The following EPB41L4B variants were observed in gnomAD, a reference collection of about 807,000 sequenced individuals.
EPB41L4B encodes band 4.1-like protein 4B.
EPB41L4B carries 30 observed loss-of-function variants against 112.5 expected under a neutral mutation model. The observed-to-expected ratio is 0.27, with a 90% CI of 0.20 to 0.36. The LOEUF is 0.36. EPB41L4B is among the 10% of genes least tolerant of loss of function. EPB41L4B has a pLI of 1.00. For synonymous variants in EPB41L4B, 408 were observed against 439.7 expected, an observed-to-expected ratio of 0.93 and a Z score of 0.90; for missense variants, 1,024 against 1,133.3, an observed-to-expected ratio of 0.90 and a Z score of 1.38.
At chr9:109,241,159 T>TA in intron 15 of EPB41L4B, 1 of 985,808 alleles carries the variant, frequency 1.0e-6, no homozygotes, top group Non-Finnish European at 1.2e-6. Context: ...TGCAGAATTT[T>TA]AGAGTTGGAA....
chr9:109,236,842 T>G (rs1425171896), intron 15 of EPB41L4B, among the ~76,000 whole-genome samples: 2 of 152,214 alleles, frequency 1.3e-5, no homozygotes, highest in East Asian at 3.8e-4. Flanking sequence ...GCTTCGCCTC[T>G]GCATCTGTCC....
chr9:109,200,668 A>G (rs1832793497), intron 19 of EPB41L4B, among the ~76,000 whole-genome samples: 1 of 152,216 alleles, frequency 6.6e-6, no homozygotes, highest in Admixed American at 6.5e-5. Flanking sequence ...GGTTTGGCTC[A>G]TAACCAGGTT....
At chr9:109,222,150 A>G (rs1054412366) in intron 15 of EPB41L4B, among the ~76,000 whole-genome samples, 7 of 152,222 alleles carry the variant, frequency 4.6e-5, no homozygotes, top group Non-Finnish European at 7.3e-5. Context: ...GCATTTCATA[A>G]CACGTCAAAT....
intron 1 of EPB41L4B, among the ~76,000 whole-genome samples, chr9:109,293,244 C>A (rs1437527331): frequency 1.3e-5 from 2 of 152,078 alleles, no homozygotes; most frequent in Non-Finnish European, 2.9e-5. Context: ...GTATTGTATG[C>A]GTACATAAAA....
intron 1 of EPB41L4B, among the ~76,000 whole-genome samples, chr9:109,297,609 C>G (rs1836784741): frequency 6.6e-6 from 1 of 152,242 alleles, no homozygotes; most frequent in African/African-American, 2.4e-5. Flanking sequence ...TGCCCAGGAC[C>G]TCTGACTCTA....
At chr9:109,231,977 G>A (rs2118911056) in intron 15 of EPB41L4B, among the ~76,000 whole-genome samples, 1 of 151,672 alleles carries the variant, frequency 6.6e-6, no homozygotes, top group East Asian at 1.9e-4. Context: ...CTTCTAATAA[G>A]CTAGACTTTC....
chr9:109,261,610 A>T (rs891337371), intron 6 of EPB41L4B, among the ~76,000 whole-genome samples: 6 of 152,144 alleles, frequency 3.9e-5, no homozygotes, highest in African/African-American at 1.4e-4. Flanking sequence ...ACATACTAAA[A>T]ATACCAAGTA....
chr9:109,276,541 C>T (rs1459152255), intron 2 of EPB41L4B, among the ~76,000 whole-genome samples: 1 of 152,176 alleles, frequency 6.6e-6, no homozygotes, highest in South Asian at 2.1e-4. Flanking sequence ...AGATGAGGAC[C>T]CTCGCCCTCC....
rs1831727155 is a variant in EPB41L4B at position 109,174,229 on chromosome 9, G to T, written c.*325C>A. ...CAAATGGTTGAAATTGATAGTAAAA[G>T]ATCCTACATCATATTAACCCCTGTG... On this transcript the variant is annotated 3_prime_UTR_variant, in exon 26 of 26. Coordinates refer to ENST00000374566, the MANE Select transcript of EPB41L4B (RefSeq NM_019114.5). The T allele has an allele frequency of 5.0e-6, 1 of 200,036 alleles. No individual in the cohort carries two copies. The highest frequency in any genetic ancestry group is 1.0e-5 in the Non-Finnish European group (1 of 98,054). 12.4% of individuals were successfully genotyped at this position (200,036 alleles called of 1,614,324 possible).
rs375667520 is a variant in EPB41L4B at position 109,182,468 on chromosome 9, G to A, written c.2487+261C>T. On this transcript the variant is annotated intron_variant, in intron 24 of 25. Coordinates refer to ENST00000374566, the MANE Select transcript of EPB41L4B (RefSeq NM_019114.5). ...GGTTTTTGGAGGACGCAATAAAAAT[G>A]TATTGGAACTGATAGAAGTGGTCAC... Among the ~76,000 whole-genome samples the A allele has an allele frequency of 9.2e-5, 14 of 152,324 alleles. No homozygotes were observed. The East Asian group carries it at 2.1e-3, about 23-fold the overall frequency.
chr9:109,212,484 T>C (rs1186948603), intron 17 of EPB41L4B, among the ~76,000 whole-genome samples: 1 of 152,066 alleles, frequency 6.6e-6, no homozygotes, highest in Non-Finnish European at 1.5e-5. Flanking sequence ...AAAAAGTGAA[T>C]GAGCAGGGCT....
chr9:109,306,187 A>G (rs2119241316), intron 1 of EPB41L4B, among the ~76,000 whole-genome samples: 1 of 152,352 alleles, frequency 6.6e-6, no homozygotes, highest in East Asian at 1.9e-4. Flanking sequence ...TAAATGCTAT[A>G]AGGATTAAAT....
intron 17 of EPB41L4B, among the ~76,000 whole-genome samples, chr9:109,208,813 C>T (rs919427590): frequency 6.6e-6 from 1 of 152,150 alleles, no homozygotes; most frequent in Non-Finnish European, 1.5e-5. Context: ...ATGGTATACA[C>T]ACTACATTTT....
chr9:109,267,605 C>T, intron 3 of EPB41L4B, 54 bp from the exon 4 acceptor site: 1 of 1,192,806 alleles, frequency 8.4e-7, no homozygotes, highest in Non-Finnish European at 1.3e-6. Flanking sequence ...TTTTGAAGAT[C>T]ACAGGATGGA....
chr9:109,291,908 T>G (rs904312389), intron 1 of EPB41L4B, among the ~76,000 whole-genome samples: 3 of 152,202 alleles, frequency 2.0e-5, no homozygotes, highest in African/African-American at 7.2e-5. Context: ...TGAGACTTTG[T>G]GTTGCATTAC....
intron 1 of EPB41L4B, among the ~76,000 whole-genome samples, chr9:109,288,497 G>A (rs1019703858): frequency 6.6e-6 from 1 of 151,898 alleles, no homozygotes; most frequent in Non-Finnish European, 1.5e-5. Flanking sequence ...GAGGCGGGCG[G>A]ATCACAAGGT....
At chr9:109,183,924 G>A (rs754685441) in intron 23 of EPB41L4B, among the ~76,000 whole-genome samples, 7 of 152,232 alleles carry the variant, frequency 4.6e-5, no homozygotes, top group Non-Finnish European at 8.8e-5. Context: ...GGTAAAGCAA[G>A]TCTCCCCCAT....
At chr9:109,204,844 A>C (rs1056255784) in intron 18 of EPB41L4B, among the ~76,000 whole-genome samples, 1 of 152,050 alleles carries the variant, frequency 6.6e-6, no homozygotes, top group Admixed American at 6.6e-5. Context: ...GGTCTGTTTG[A>C]CTTCTGCTTC....
intron 24 of EPB41L4B, among the ~76,000 whole-genome samples, chr9:109,178,531 G>A (rs200359085): frequency 2.0e-5 from 3 of 151,944 alleles, no homozygotes; most frequent in South Asian, 4.2e-4. Context: ...GCCTGCCACC[G>A]CACTCAGCTA....
Sources: gnomAD v4.1 joint callset for allele counts (sites outside exome capture counted in the v4.1 genomes callset) on GRCh38, gnomAD v4.1.1 for gene constraint, MANE v1.5 for transcripts, NCBI Gene and HGNC (gene_info 2026-07-23, HGNC 2026-07-21) for gene names.